The following CLDN14 variants were observed in gnomAD, a reference collection of about 807,000 sequenced individuals.
CLDN14 encodes the protein claudin 14, also known as claudin-14.
Under a neutral mutation model 2.1 loss-of-function variants are expected in CLDN14, and 2 were observed. The observed-to-expected ratio is 0.96, with a 90% CI of 0.39 to 3.01. The LOEUF (loss-of-function observed/expected upper bound fraction) is 3.01, where lower values mean the gene tolerates loss of function less well. Among genes scored for constraint, CLDN14 ranks in the 30% most tolerant of loss-of-function variants. CLDN14 has a pLI of 0.09. For synonymous variants in CLDN14, 136 were observed against 154.4 expected (o/e 0.88, Z 0.88); for missense variants, 298 against 328.0 (o/e 0.91, Z 0.71).
chr21:36,514,728 A>C (rs959217707), intron 1 of CLDN14, among the ~76,000 whole-genome samples: 1 of 150,856 alleles, frequency 6.6e-6, no homozygotes, highest in Non-Finnish European at 1.5e-5. Context: ...GGAGAAGGGG[A>C]GAATGAGTCC....
intron 1 of CLDN14, among the ~76,000 whole-genome samples, chr21:36,557,889 A>T (rs1440403129): frequency 1.3e-5 from 2 of 152,154 alleles, no homozygotes; most frequent in African/African-American, 4.8e-5. Context: ...GTTTTTCCTT[A>T]ATGCTTTCCT....
At chr21:36,487,286 T>C in intron 2 of CLDN14, 1 of 222,000 alleles carries the variant, frequency 4.5e-6, no homozygotes. Context: ...CCCGGCCTGT[T>C]GTGGGTTTTG....
intron 1 of CLDN14, among the ~76,000 whole-genome samples, chr21:36,476,455 ATTT>A (rs11457181): frequency 7.0e-6 from 1 of 142,448 alleles, no homozygotes; most frequent in African/African-American, 2.6e-5. Context: ...ATGGATGACT[ATTT>A]TTTTTTTTTT....
At chr21:36,554,633 G>A (rs940978813) in intron 1 of CLDN14, among the ~76,000 whole-genome samples, 1 of 152,202 alleles carries the variant, frequency 6.6e-6, no homozygotes, top group Non-Finnish European at 1.5e-5. Context: ...GAGTCACACA[G>A]CTAGGATTCT....
chr21:36,499,501 G>C lies in CLDN14; in HGVS notation c.-82+10862C>G, dbSNP rs2087073080. On this transcript the variant is annotated intron_variant, in intron 2 of 2. Coordinates refer to the CLDN14 transcript ENST00000342108. This position sits in a 1 kb window ranked among gnomAD's most constrained non-coding sequence, Gnocchi z 4.7. ...GTAGAAAGTGATCAAGATTAGAATAGAGTGGCTTATCTGTGTTTAGAGTCT... is the reference window on the plus strand; with the variant it reads ...GTAGAAAGTGATCAAGATTAGAATACAGTGGCTTATCTGTGTTTAGAGTCT... 1.3e-5 allele frequency among the ~76,000 whole-genome samples: 2 copies of C among 152,210 alleles called. No homozygotes were observed. The highest frequency in any genetic ancestry group is 1.3e-4 in the Admixed American group (2 of 15,274).
intron 2 of CLDN14, chr21:36,486,698 TTC>T: frequency 7.8e-7 from 1 of 1,287,914 alleles, no homozygotes; most frequent in Non-Finnish European, 1.1e-6. Flanking sequence ...AACATTTACT[TTC>T]TCCTTCTTGA....
intron 1 of CLDN14, among the ~76,000 whole-genome samples, chr21:36,539,818 G>A (rs568156804): frequency 4.0e-5 from 6 of 149,468 alleles, no homozygotes; most frequent in South Asian, 2.1e-4. Context: ...GAGTGTGTGC[G>A]GAGTATGTCT....
intron 1 of CLDN14, among the ~76,000 whole-genome samples, chr21:36,540,338 T>C (rs552065183): frequency 1.3e-5 from 2 of 152,332 alleles, no homozygotes; most frequent in South Asian, 4.1e-4. Flanking sequence ...ATAGTTGTTA[T>C]ACTGTGTTTT....
chr21:36,548,301 C>T (rs1165328534), intron 1 of CLDN14, among the ~76,000 whole-genome samples: 1 of 152,148 alleles, frequency 6.6e-6, no homozygotes, highest in Non-Finnish European at 1.5e-5. Flanking sequence ...GTGATAAATG[C>T]CAATCTCCCG....
At chr21:36,526,077 T>A (rs1224073783) in intron 1 of CLDN14, among the ~76,000 whole-genome samples, 1 of 152,136 alleles carries the variant, frequency 6.6e-6, no homozygotes, top group African/African-American at 2.4e-5. Context: ...TGCTCTTTCC[T>A]TATCTGAGAA....
intron 2 of CLDN14, among the ~76,000 whole-genome samples, chr21:36,489,676 C>A (rs2086941691): frequency 6.6e-6 from 1 of 152,236 alleles, no homozygotes; most frequent in African/African-American, 2.4e-5. Flanking sequence ...GCCCTCTTAA[C>A]CTGACCCTCT....
At chr21:36,482,079 G>A (rs2086850148), upstream of CLDN14, among the ~76,000 whole-genome samples, 1 of 152,148 alleles carries the variant, frequency 6.6e-6, no homozygotes, top group Non-Finnish European at 1.5e-5. Flanking sequence ...CTGCCCTTGG[G>A]TCTGGTTTTA....
chr21:36,474,996 G>GA (rs1236269772), intron 1 of CLDN14, among the ~76,000 whole-genome samples: 1 of 152,198 alleles, frequency 6.6e-6, no homozygotes, highest in Non-Finnish European at 1.5e-5. Context: ...GGAGGTGCGG[G>GA]AGGCTTGAGC....
chr21:36,464,565 G>A (rs994036183), intron 1 of CLDN14, among the ~76,000 whole-genome samples: 2 of 152,204 alleles, frequency 1.3e-5, no homozygotes, highest in African/African-American at 4.8e-5. Context: ...GAAGGACCGG[G>A]GCCGGCTGTC....
intron 2 of CLDN14, among the ~76,000 whole-genome samples, chr21:36,493,118 T>C (rs2086985066): frequency 6.6e-6 from 1 of 152,128 alleles, no homozygotes; most frequent in African/African-American, 2.4e-5. Context: ...TTTACCGGTT[T>C]GTTTTTCTGC....
At chr21:36,513,354 A>G (rs2146486462) in intron 1 of CLDN14, among the ~76,000 whole-genome samples, 1 of 152,348 alleles carries the variant, frequency 6.6e-6, no homozygotes, top group South Asian at 2.1e-4. Context: ...TTAGGGAGCT[A>G]TCCTGGGGAC....
At chr21:36,532,797 A>G (rs1456452158) in intron 1 of CLDN14, among the ~76,000 whole-genome samples, 1 of 152,162 alleles carries the variant, frequency 6.6e-6, no homozygotes, top group East Asian at 1.9e-4. Context: ...ACGATCAGAA[A>G]TATATTTGTC....
intron 2 of CLDN14, among the ~76,000 whole-genome samples, chr21:36,501,309 T>C (rs2087089644): frequency 1.4e-5 from 2 of 146,548 alleles, no homozygotes; most frequent in Admixed American, 1.4e-4. Flanking sequence ...ACATTATTAA[T>C]GGGAGTTTCA....
At chr21:36,543,620 C>T (rs551926580) in intron 1 of CLDN14, among the ~76,000 whole-genome samples, 12 of 152,294 alleles carry the variant, frequency 7.9e-5, no homozygotes, top group Admixed American at 7.2e-4. Context: ...TTGTAACTAC[C>T]TAATGACATG....
Sources: gnomAD v4.1 joint callset for allele counts (sites outside exome capture counted in the v4.1 genomes callset) on GRCh38, gnomAD v4.1.1 for gene constraint, Gnocchi (gnomAD v3.1) non-coding constraint, MANE v1.5 for transcripts, NCBI Gene and HGNC (gene_info 2026-07-23, HGNC 2026-07-21) for gene names.